NUP88: variants seen among roughly 807,000 people sequenced by gnomAD.
NUP88 encodes nuclear pore complex protein Nup88.
A neutral mutation model predicts 93.9 loss-of-function variants in NUP88; 57 were observed. The ratio of observed to expected loss-of-function variants is 0.61; its 90% CI spans 0.49 to 0.76. The LOEUF (loss-of-function observed/expected upper bound fraction) is 0.76, where lower values mean the gene tolerates loss of function less well. Ranked by LOEUF, NUP88 falls within the 30% of genes least tolerant of loss-of-function variation. The pLI is 0.00. For missense variants in NUP88, 911 were observed against 901.0 expected, an observed-to-expected ratio of 1.01 and a Z score of -0.14; for synonymous variants, 346 against 336.8, an observed-to-expected ratio of 1.03 and a Z score of -0.30.
Position 5,394,892 on chromosome 17 carries a change from T to G in NUP88, c.1381A>C (p.Arg461=). 6.2e-7 allele frequency: 1 copy of G among 1,608,692 alleles called. No individual in the cohort carries two copies. Among genetic ancestry groups the G allele is most frequent in the South Asian group, 1.1e-5 (1 of 90,952 alleles). The change falls in exon 9 of 17, where the codon AGG becomes CGG. Residue 461 remains arginine, a splice_region_variant and synonymous_variant. Transcript: ENST00000573584. ...HILCTKPLPC[R]QPAPIRGFWI... ...ATACAAGGGAGGGAGAGTCCTTACC[T>G]GCAGGGCAATGGCTTCGTACAAAGG...
At chr17:5,407,775 T>C (rs986016844) in intron 5 of NUP88, among the ~76,000 whole-genome samples, 2 of 152,200 alleles carry the variant, frequency 1.3e-5, no homozygotes, top group Non-Finnish European at 2.9e-5. Context: ...TACTCCCTTA[T>C]CCAAACAGTA....
chr17:5,400,140 T>TGAAAAAAAAAAAA (rs1913056648), intron 7 of NUP88, among the ~76,000 whole-genome samples: 1 of 120,632 alleles, frequency 8.3e-6, no homozygotes, highest in African/African-American at 3.1e-5. Context: ...TTTCATTTGT[T>TGAAAAAAAAAAAA]AAAAAAAAAA....
Position 5,408,759 on chromosome 17 carries a change from G to A in NUP88, c.831C>T (p.Phe277=), listed in dbSNP as rs1291475219. ...LYILYENGET[F]LTYISLLHSP... ...TGTGTAACAGACTGATGTATGTCAG[G>A]AAAGTCTCTCCATTTTCATATAAGA... is the stretch of plus-strand genomic sequence containing the variant. The change falls in exon 5 of 17, where the codon TTC becomes TTT. Residue 277 remains phenylalanine (F), a synonymous_variant. Coordinates refer to ENST00000573584, the MANE Select transcript of NUP88 (RefSeq NM_002532.6). 5 of 1,609,532 alleles carry A rather than the reference G, an allele frequency of 3.1e-6. No individual in the cohort carries two copies. The highest frequency in any genetic ancestry group is 1.7e-4 in the Middle Eastern group (1 of 6,056).
Position 5,387,624 on chromosome 17 carries a change from T to C in NUP88, c.1816A>G (p.Ser606Gly). Residue 606 changes from serine to glycine, a missense_variant, in exon 13 of 17, where the codon AGT becomes GGT. Physicochemically the swap from Ser to Gly is moderately conservative, Grantham distance 56. Coordinates refer to ENST00000573584, the MANE Select transcript of NUP88 (RefSeq NM_002532.6). Reference protein sequence around the residue: ...DQKKKQLEDLSYCREERKSLR... With the variant: ...DQKKKQLEDLGYCREERKSLR... ...ACTTACCTCTCTTCTCGACAATAACTGAGATCTTCTAGTTGTTTCTTTTTT... is the reference window on the plus strand; with the variant it reads ...ACTTACCTCTCTTCTCGACAATAACCGAGATCTTCTAGTTGTTTCTTTTTT... The C allele has an allele frequency of 6.2e-7, 1 of 1,613,102 alleles. No individual in the cohort carries two copies. Among genetic ancestry groups the C allele is most frequent in the Non-Finnish European group, 8.5e-7 (1 of 1,179,326 alleles).
At chr17:5,414,736 T>C (rs1243926283) in intron 2 of NUP88, among the ~76,000 whole-genome samples, 1 of 151,898 alleles carries the variant, frequency 6.6e-6, no homozygotes, top group African/African-American at 2.4e-5. Context: ...CTGGCCAACA[T>C]GGTAAAACCC....
At position 5,387,484 on chromosome 17, in the gene NUP88, AAG is replaced by A. The variant is rs750387296; in HGVS notation, c.1836-20_1836-19del. The A allele has an allele frequency of 5.0e-6, 8 of 1,613,148 alleles. No homozygotes were observed. The South Asian group carries it at 8.8e-5, about 18-fold the overall frequency. On this transcript the variant is annotated intron_variant, in intron 13 of 16. Transcript: ENST00000573584. ...GACTTTTCCTAATGATGTAAGACAC[AAG>A]AGACTCTTGAGGTCCACCCCTTGAT...
rs1911914130 is a variant in NUP88, at chr17:5,385,862, C to A, written c.*344G>T. The A allele has an allele frequency of 2.2e-5, 6 of 277,852 alleles. No homozygotes were observed. The highest frequency in any genetic ancestry group is 4.0e-5 in the Non-Finnish European group (6 of 149,286). 17.2% of individuals were successfully genotyped at this position (277,852 alleles called of 1,614,324 possible). A position where few individuals can be genotyped will look rare whatever the true frequency, so the allele number is the denominator to read the frequency against. On this transcript the variant is annotated 3_prime_UTR_variant, in exon 17 of 17. Coordinates refer to ENST00000573584, the MANE Select transcript of NUP88 (RefSeq NM_002532.6). ...CTAGGGTTCTATCCCTCTTCAGAGTCATGTTTCTGGTGCTGCTACTTTAAA... is the reference window on the plus strand; with the variant it reads ...CTAGGGTTCTATCCCTCTTCAGAGTAATGTTTCTGGTGCTGCTACTTTAAA...
chr17:5,394,760 A>G, intron 9 of NUP88, 131 bp downstream of exon 9: 1 of 651,102 alleles, frequency 1.5e-6, no homozygotes, highest in Admixed American at 2.4e-5. Flanking sequence ...TTAGGGGAGA[A>G]GTATCACGTC....
Position 5,405,242 on chromosome 17 carries a change from G to C in NUP88, c.859C>G (p.Pro287Ala). 1.9e-6 allele frequency: 3 copies of C among 1,610,608 alleles called. No individual in the cohort carries two copies. In the East Asian group the frequency reaches 6.7e-5, roughly 36 times the overall value. Reference protein sequence around the residue: ...FLTYISLLHSPGNIGKLLGPL... With the variant: ...FLTYISLLHSAGNIGKLLGPL... ...CCCAACAGCTTTCCAATATTTCCAG[G>C]GCTAAAGAAGGAGTAAAAACATATT... Residue 287 changes from proline to alanine, a missense_variant and splice_region_variant, in exon 6 of 17, where the codon CCT becomes GCT. Coordinates refer to ENST00000573584, the MANE Select transcript of NUP88 (RefSeq NM_002532.6).
intron 9 of NUP88, among the ~76,000 whole-genome samples, chr17:5,393,948 C>A (rs1271525677): frequency 1.3e-5 from 2 of 152,128 alleles, no homozygotes; most frequent in African/African-American, 4.8e-5. Flanking sequence ...ATCTAGAATA[C>A]CTTCCAGGTT....
chr17:5,389,181 T>A (rs1266972419), intron 10 of NUP88, among the ~76,000 whole-genome samples: 1 of 152,214 alleles, frequency 6.6e-6, no homozygotes. Context: ...CTGACTGCCA[T>A]TTCCAGTTCT....
chr17:5,416,399 G>A (rs1417620340), intron 2 of NUP88, 114 bp downstream of exon 2: 5 of 655,192 alleles, frequency 7.6e-6, no homozygotes, highest in South Asian at 5.0e-5. Context: ...TGCAGACCAC[G>A]AGGAGTGTTT....
intron 16 of NUP88, 133 bp downstream of exon 16, chr17:5,386,575 T>C (rs1911996630): frequency 1.4e-6 from 1 of 728,634 alleles, no homozygotes; most frequent in Admixed American, 2.1e-5. Flanking sequence ...CTATGTATCA[T>C]GTGGCTCTCA....
rs140719625 is a variant in NUP88 at position 5,391,627 on chromosome 17, G to A, written c.1418C>T (p.Pro473Leu). 89 of 1,614,116 alleles carry A rather than the reference G, an allele frequency of 5.5e-5. No homozygotes were observed. In the African/African-American group the frequency reaches 1.1e-3, roughly 21 times the overall value. Residue 473 changes from proline to leucine, a missense_variant, in exon 10 of 17, where the codon CCT becomes CTT. By Grantham distance (98) the Pro-to-Leu change is moderately conservative (BLOSUM62 -3). Coordinates refer to ENST00000573584, the MANE Select transcript of NUP88 (RefSeq NM_002532.6). Reference sequence around the variant, plus strand: ...GATCATCGTGGGTCCCAGAATGTCAGGTACAATCCAAAATCCTCGAATTGG... The same window carrying A: ...GATCATCGTGGGTCCCAGAATGTCAAGTACAATCCAAAATCCTCGAATTGG... Reference protein sequence around the residue: ...PAPIRGFWIVPDILGPTMICI... With the variant: ...PAPIRGFWIVLDILGPTMICI...
intron 7 of NUP88, among the ~76,000 whole-genome samples, chr17:5,403,068 C>T (rs1474275989): frequency 2.0e-5 from 3 of 152,168 alleles, no homozygotes; most frequent in Non-Finnish European, 4.4e-5. Context: ...GGGCCAGGTG[C>T]GCGGTGGCTC....
At chr17:5,407,339 C>T (rs752818707) in intron 5 of NUP88, among the ~76,000 whole-genome samples, 3 of 152,204 alleles carry the variant, frequency 2.0e-5, no homozygotes, top group African/African-American at 7.2e-5. Context: ...CTGAAGAACC[C>T]GGTGATGCCC....
intron 2 of NUP88, among the ~76,000 whole-genome samples, chr17:5,415,486 A>T (rs1160726385): frequency 3.3e-5 from 5 of 152,238 alleles, no homozygotes; most frequent in Non-Finnish European, 7.3e-5. Flanking sequence ...TCCTATTTTT[A>T]AAATGAGGAA....
chr17:5,385,193 G>A lies in NUP88; in HGVS notation c.*1013C>T. ...ACTCTTAAGTTTTGTTTAGCAATGTGTTTCTGGTATGAAACAAACTACTGT... is the reference window on the plus strand; with the variant it reads ...ACTCTTAAGTTTTGTTTAGCAATGTATTTCTGGTATGAAACAAACTACTGT... On this transcript the variant is annotated 3_prime_UTR_variant, in exon 17 of 17. Coordinates refer to ENST00000573584, the MANE Select transcript of NUP88 (RefSeq NM_002532.6). 1 of 230,050 alleles carries A rather than the reference G, an allele frequency of 4.3e-6. No individual in the cohort carries two copies. The highest frequency in any genetic ancestry group is 8.6e-6 in the Non-Finnish European group (1 of 116,112). 14.3% of individuals were successfully genotyped at this position (230,050 alleles called of 1,614,324 possible). A position where few individuals can be genotyped will look rare whatever the true frequency, so the allele number is the denominator to read the frequency against.
rs182482035 is a variant in NUP88 at position 5,396,093 on chromosome 17, C to T, written c.1292-1112G>A. ...GGACGTGGTGGTGGGCACCTGTAATCCCAGCTACTCGAGAGGCTGAGGCAG... is the reference window on the plus strand; with the variant it reads ...GGACGTGGTGGTGGGCACCTGTAATTCCAGCTACTCGAGAGGCTGAGGCAG... On this transcript the variant is annotated intron_variant, in intron 8 of 16. Coordinates refer to ENST00000573584, the MANE Select transcript of NUP88 (RefSeq NM_002532.6). Among the ~76,000 whole-genome samples the T allele has an allele frequency of 1.1e-3, 162 of 152,084 alleles. 1 individual carries two copies. Among genetic ancestry groups the T allele is most frequent in the Middle Eastern group, 0.01 (3 of 294 alleles).
Sources: gnomAD v4.1 joint callset for allele counts (sites outside exome capture counted in the v4.1 genomes callset) on GRCh38, gnomAD v4.1.1 for gene constraint, MANE v1.5 for transcripts, NCBI Gene and HGNC (gene_info 2026-07-23, HGNC 2026-07-21) for gene names.